KCNAB1: variants seen among roughly 807,000 people sequenced by gnomAD.
The protein encoded by KCNAB1 is voltage-gated potassium channel subunit beta-1.
KCNAB1 carries 35 observed loss-of-function variants against 64.6 expected under a neutral mutation model. The observed-to-expected ratio is 0.54, with a 90% CI of 0.41 to 0.72. KCNAB1 has a LOEUF of 0.72. Among genes scored for constraint, KCNAB1 ranks in the 30% least tolerant of loss-of-function variants. The probability of loss-of-function intolerance (pLI) is 0.00; values close to 1 mark genes in which losing one functional copy is unlikely to be tolerated. For missense variants in KCNAB1, 401 were observed against 512.9 expected (o/e 0.78, Z 2.11); for synonymous variants, 177 against 183.8 (o/e 0.96, Z 0.30).
chr3:156,146,832 T>C (rs566806827), intron 1 of KCNAB1, among the ~76,000 whole-genome samples: 161 of 152,328 alleles, frequency 1.1e-3, no homozygotes, highest in Non-Finnish European at 1.7e-3. Context: ...CATTCTTAGC[T>C]TGTGGGCCAT....
intron 1 of KCNAB1, among the ~76,000 whole-genome samples, chr3:156,147,140 G>C (rs1715084581): frequency 6.6e-6 from 1 of 152,198 alleles, no homozygotes; most frequent in Non-Finnish European, 1.5e-5. Flanking sequence ...TGTTGCAAGA[G>C]TTAGACCTGG....
chr3:156,417,413 T>C (rs1243657532), intron 1 of KCNAB1, among the ~76,000 whole-genome samples: 2 of 152,228 alleles, frequency 1.3e-5, no homozygotes, highest in African/African-American at 2.4e-5. Flanking sequence ...TGCATATGCT[T>C]TCCAGCTGTC....
At chr3:156,148,760 A>G (rs1715206833) in intron 1 of KCNAB1, among the ~76,000 whole-genome samples, 1 of 152,352 alleles carries the variant, frequency 6.6e-6, no homozygotes, top group South Asian at 2.1e-4. Context: ...GTGTCTATTT[A>G]TAAAGGATAG....
intron 11 of KCNAB1, among the ~76,000 whole-genome samples, chr3:156,517,119 G>C: frequency 6.6e-6 from 1 of 152,154 alleles, no homozygotes; most frequent in South Asian, 2.1e-4. Flanking sequence ...GAGAATACAG[G>C]CATTTAAAAA....
intron 1 of KCNAB1, among the ~76,000 whole-genome samples, chr3:156,213,229 T>G (rs900147065): frequency 1.3e-5 from 2 of 151,662 alleles, no homozygotes; most frequent in African/African-American, 4.8e-5. Flanking sequence ...TTTTTTTTTT[T>G]GTCTTTTGAG....
At chr3:156,184,250 C>G (rs898697184) in intron 1 of KCNAB1, among the ~76,000 whole-genome samples, 1 of 152,194 alleles carries the variant, frequency 6.6e-6, no homozygotes, top group African/African-American at 2.4e-5. Flanking sequence ...GCTCCTGCCT[C>G]TATTCCGTAA....
At chr3:156,462,621 C>T (rs1434921396) in intron 5 of KCNAB1, among the ~76,000 whole-genome samples, 1 of 152,138 alleles carries the variant, frequency 6.6e-6, no homozygotes, top group African/African-American at 2.4e-5. Context: ...TTGTTGCAAC[C>T]AAGTTGTCAG....
At chr3:156,459,918 G>C (rs980315500) in intron 5 of KCNAB1, 47 bp downstream of exon 5, 2 of 1,391,760 alleles carry the variant, frequency 1.4e-6, no homozygotes, top group African/African-American at 2.9e-5. Context: ...GTATTATTTT[G>C]CACCAGAGAA....
intron 1 of KCNAB1, among the ~76,000 whole-genome samples, chr3:156,164,469 G>T (rs143748331): frequency 0.011 from 1,667 of 152,214 alleles, 13 homozygotes; most frequent in Non-Finnish European, 0.017. Flanking sequence ...TCTTTCACTA[G>T]ACTTGAAGCT....
chr3:156,321,639 T>G (rs28391571), intron 1 of KCNAB1, among the ~76,000 whole-genome samples: 1 of 152,242 alleles, frequency 6.6e-6, no homozygotes, highest in Non-Finnish European at 1.5e-5. Context: ...TGCATATACC[T>G]TTTATACAAT....
intron 1 of KCNAB1, among the ~76,000 whole-genome samples, chr3:156,333,048 T>A (rs1177227021): frequency 6.6e-6 from 1 of 151,990 alleles, no homozygotes; most frequent in Non-Finnish European, 1.5e-5. Flanking sequence ...GGGAATGGAG[T>A]GAAAATGTGT....
intron 1 of KCNAB1, among the ~76,000 whole-genome samples, chr3:156,399,973 C>T (rs954546413): frequency 6.6e-6 from 1 of 152,174 alleles, no homozygotes; most frequent in Non-Finnish European, 1.5e-5. Context: ...CCACTGAGGT[C>T]ATACCACACC....
chr3:156,212,126 C>G (rs1576609834), intron 1 of KCNAB1, among the ~76,000 whole-genome samples: 1 of 152,020 alleles, frequency 6.6e-6, no homozygotes, highest in African/African-American at 2.4e-5. Flanking sequence ...TTCCTGGTTC[C>G]CAGTTTTAGT....
At chr3:156,486,019 G>T (rs1323351940) in intron 8 of KCNAB1, among the ~76,000 whole-genome samples, 1 of 152,036 alleles carries the variant, frequency 6.6e-6, no homozygotes, top group African/African-American at 2.4e-5. Context: ...TCCTGTTCAG[G>T]TTGATCACTC....
intron 8 of KCNAB1, among the ~76,000 whole-genome samples, chr3:156,483,479 T>G (rs1391100031): frequency 6.6e-6 from 1 of 152,120 alleles, no homozygotes; most frequent in Non-Finnish European, 1.5e-5. Flanking sequence ...CCCTCCTATC[T>G]GTGTTCAGCA....
chr3:156,530,204 C>T (rs933711080), intron 12 of KCNAB1, among the ~76,000 whole-genome samples: 12 of 152,052 alleles, frequency 7.9e-5, no homozygotes, highest in African/African-American at 1.4e-4. Context: ...GTGATGGGGG[C>T]GGTGGGATCA....
chr3:156,283,350 G>A (rs1719866099), intron 1 of KCNAB1, among the ~76,000 whole-genome samples: 1 of 151,066 alleles, frequency 6.6e-6, no homozygotes, highest in Non-Finnish European at 1.5e-5. Context: ...TAGTCTGATG[G>A]GCTTCCCTTT....
At chr3:156,142,700 A>G (rs1337210280) in intron 1 of KCNAB1, among the ~76,000 whole-genome samples, 1 of 152,238 alleles carries the variant, frequency 6.6e-6, no homozygotes, top group Non-Finnish European at 1.5e-5. Context: ...TGCCTCTAGT[A>G]TAAAAAATTA....
chr3:156,259,720 G>A (rs1443428746), intron 1 of KCNAB1, among the ~76,000 whole-genome samples: 1 of 152,044 alleles, frequency 6.6e-6, no homozygotes. Context: ...CCTTGTCTTT[G>A]GGACACTCTG....
Sources: allele counts gnomAD v4.1 joint callset (sites outside exome capture counted in the v4.1 genomes callset), GRCh38; gene constraint gnomAD v4.1.1; transcripts MANE v1.5; gene names NCBI Gene and HGNC (gene_info 2026-07-23, HGNC 2026-07-21).